Variants in RORA observed in about 807,000 individuals in gnomAD.
The protein encoded by RORA is nuclear receptor ROR-alpha.
Under a neutral mutation model 69.5 loss-of-function variants are expected in RORA, and 7 were observed. The observed-to-expected ratio is 0.10, with a 90% CI of 0.06 to 0.19. The LOEUF is 0.19. Ranked by LOEUF, RORA falls within the 10% of genes least tolerant of loss-of-function variation. The pLI, the probability that RORA is intolerant of heterozygous loss-of-function variation, is 1.00. For synonymous variants in RORA, 261 were observed against 240.8 expected (o/e 1.08, Z -0.78); for missense variants, 457 against 663.0 (o/e 0.69, Z 3.41).
In RORA at chr15:60,951,652, C is replaced by T. The variant is rs535260385; in HGVS notation, c.167-272966G>A. Among the ~76,000 whole-genome samples, 3 of 151,980 alleles carry T rather than the reference C, an allele frequency of 2.0e-5. No homozygotes were observed. The East Asian group carries it at 5.8e-4, about 29-fold the overall frequency. Reference sequence around the variant, plus strand: ...AAATACAAACTACCATCAGAGAATACTACAAACACCTCTACGCAAATAAAC... The same window carrying T: ...AAATACAAACTACCATCAGAGAATATTACAAACACCTCTACGCAAATAAAC... On this transcript the variant is annotated intron_variant, in intron 1 of 10. Transcript: ENST00000335670.
At chr15:60,611,559 C>CAAAAAAAAAAA (rs533598270) in intron 2 of RORA, among the ~76,000 whole-genome samples, 4,249 of 35,812 alleles carry the variant, frequency 0.12, 1,670 homozygotes, top group African/African-American at 0.13. Context: ...TTGAGTTTTG[C>CAAAAAAAAAAA]AAAAAAAAAA....
At chr15:60,522,330 G>A (rs2066197818) in intron 3 of RORA, among the ~76,000 whole-genome samples, 1 of 152,128 alleles carries the variant, frequency 6.6e-6, no homozygotes, top group South Asian at 2.1e-4. Flanking sequence ...CTTGAAAATG[G>A]CCATTGGTGG....
At chr15:60,967,133 C>A (rs537661681) in intron 1 of RORA, among the ~76,000 whole-genome samples, 8 of 152,160 alleles carry the variant, frequency 5.3e-5, no homozygotes, top group Admixed American at 2.6e-4. Flanking sequence ...CAAGACACAT[C>A]ATGACTTTAA....
intron 3 of RORA, among the ~76,000 whole-genome samples, chr15:60,518,516 A>C (rs1031445616): frequency 6.6e-6 from 1 of 152,190 alleles, no homozygotes; most frequent in Admixed American, 6.5e-5. Context: ...ACAGCAAACA[A>C]CCTGCTGTCA....
At chr15:61,197,458 C>T (rs879874041) in intron 1 of RORA, among the ~76,000 whole-genome samples, 1 of 152,162 alleles carries the variant, frequency 6.6e-6, no homozygotes, top group Non-Finnish European at 1.5e-5. Context: ...CATCTTCCTG[C>T]ACCTCAGGTT....
At position 60,500,465 on chromosome 15, in the gene RORA, CTT is replaced by C. The variant is rs1300904202; in HGVS notation, c.1295-463_1295-462del. On this transcript the variant is annotated intron_variant, in intron 9 of 10. Transcript: ENST00000335670. ...AAGGGTTGTTAATTTAGGATAAAGTCTTTATGTCTAAGTCTTCCAAATAGAAG... is the reference window on the plus strand; with the variant it reads ...AAGGGTTGTTAATTTAGGATAAAGTCTATGTCTAAGTCTTCCAAATAGAAG... Among the ~76,000 whole-genome samples the C allele has an allele frequency of 5.9e-5, 9 of 152,142 alleles. No homozygotes were observed. In the South Asian group the frequency reaches 1.0e-3, roughly 18 times the overall value.
intron 1 of RORA, among the ~76,000 whole-genome samples, chr15:60,794,143 C>G (rs545791226): frequency 6.6e-6 from 1 of 152,294 alleles, no homozygotes; most frequent in African/African-American, 2.4e-5. Flanking sequence ...TGTTTGGTAA[C>G]AGGTCTACTT....
At chr15:60,822,396 A>G (rs982577500) in intron 1 of RORA, among the ~76,000 whole-genome samples, 3 of 152,256 alleles carry the variant, frequency 2.0e-5, no homozygotes, top group African/African-American at 7.2e-5. Flanking sequence ...CCACTCTCCC[A>G]TCCCAGCTTC....
At chr15:60,801,485 T>C (rs2072580524) in intron 1 of RORA, among the ~76,000 whole-genome samples, 2 of 152,262 alleles carry the variant, frequency 1.3e-5, no homozygotes, top group Non-Finnish European at 1.5e-5. Context: ...GTCTTGAGAA[T>C]GAGCGTTTTT....
At chr15:60,976,853 A>G (rs953798119) in intron 1 of RORA, among the ~76,000 whole-genome samples, 1 of 152,192 alleles carries the variant, frequency 6.6e-6, no homozygotes, top group African/African-American at 2.4e-5. Context: ...CACCACCTGC[A>G]GCAGCAACAG....
intron 1 of RORA, among the ~76,000 whole-genome samples, chr15:60,881,796 T>A (rs2073683386): frequency 6.6e-6 from 1 of 152,194 alleles, no homozygotes; most frequent in Non-Finnish European, 1.5e-5. Flanking sequence ...GAGTTCACAT[T>A]TGAAGCTCTT....
chr15:60,971,717 A>G (rs1213668616), intron 1 of RORA, among the ~76,000 whole-genome samples: 1 of 152,258 alleles, frequency 6.6e-6, no homozygotes, highest in Non-Finnish European at 1.5e-5. Flanking sequence ...TACAGACATG[A>G]ATGGTGGATG....
At chr15:60,545,652 G>C (rs906596447) in intron 2 of RORA, among the ~76,000 whole-genome samples, 2 of 152,126 alleles carry the variant, frequency 1.3e-5, no homozygotes, top group African/African-American at 4.8e-5. Flanking sequence ...ACGGTAAATG[G>C]TGTGACACAA....
rs540539478 is a variant in RORA at position 61,011,997 on chromosome 15, T to C, written c.166+217056A>G. ...GGTCTGGCCAATTGCATGAAATGCA[T>C]GGGCATGCAATACAAACATCCCAGG... On this transcript the variant is annotated intron_variant, in intron 1 of 10. Transcript: ENST00000335670. Among the ~76,000 whole-genome samples the C allele has an allele frequency of 5.7e-4, 87 of 152,348 alleles. 1 individual carries two copies. In the South Asian group the frequency reaches 7.0e-3, roughly 12 times the overall value.
At chr15:61,154,166 G>C (rs1389986985) in intron 1 of RORA, among the ~76,000 whole-genome samples, 1 of 152,070 alleles carries the variant, frequency 6.6e-6, no homozygotes, top group Non-Finnish European at 1.5e-5. Flanking sequence ...TCATTTTGAA[G>C]GCATTCCTCC....
At chr15:60,560,465 G>A (rs1172143075) in intron 2 of RORA, among the ~76,000 whole-genome samples, 1 of 152,104 alleles carries the variant, frequency 6.6e-6, no homozygotes, top group Non-Finnish European at 1.5e-5. Context: ...AAGCCAAGGT[G>A]AGAGGATCAC....
chr15:60,760,267 C>T (rs1310304474), intron 1 of RORA, among the ~76,000 whole-genome samples: 1 of 152,066 alleles, frequency 6.6e-6, no homozygotes, highest in Non-Finnish European at 1.5e-5. Flanking sequence ...CATTCTCTGG[C>T]ACCTAGTTGA....
At chr15:60,549,101 C>T (rs1462287343) in intron 2 of RORA, among the ~76,000 whole-genome samples, 8 of 152,156 alleles carry the variant, frequency 5.3e-5, no homozygotes, top group East Asian at 1.9e-4. Flanking sequence ...CTGTGTCTGT[C>T]GCCTATTTTG....
intron 1 of RORA, among the ~76,000 whole-genome samples, chr15:60,898,445 G>C (rs1368520820): frequency 6.6e-6 from 1 of 151,950 alleles, no homozygotes; most frequent in East Asian, 1.9e-4. Flanking sequence ...AGAAGGCTAA[G>C]GCAGGAAGAT....
Sources: gnomAD v4.1 joint callset for allele counts (sites outside exome capture counted in the v4.1 genomes callset) on GRCh38, gnomAD v4.1.1 for gene constraint, MANE v1.5 for transcripts, NCBI Gene and HGNC (gene_info 2026-07-23, HGNC 2026-07-21) for gene names.